The following PLS3 variants were observed in gnomAD, a reference collection of about 807,000 sequenced individuals.
PLS3 encodes the protein plastin 3.
Under a neutral mutation model 46.5 loss-of-function variants are expected in PLS3, and 11 were observed. The observed-to-expected ratio is 0.24, with a 90% CI of 0.15 to 0.39. PLS3 has a LOEUF of 0.39. PLS3 is among the 10% of genes least tolerant of loss of function. The pLI, the probability that PLS3 is intolerant of heterozygous loss-of-function variation, is 1.00. For synonymous variants in PLS3, 167 were observed against 162.2 expected (o/e 1.03, Z -0.22); for missense variants, 308 against 461.8 (o/e 0.67, Z 3.05).
At chrX:115,569,086 A>G (rs1383596365) in intron 1 of PLS3, among the ~76,000 whole-genome samples, 2 of 110,568 alleles carry the variant, frequency 1.8e-5, no homozygotes, top group African/African-American at 3.3e-5. Context: ...CATTCTTTAT[A>G]TAGTGTATTG....
Position 115,649,468 on chromosome X carries a change from G to A in PLS3, c.1800G>A (p.Val600=), listed in dbSNP as rs1556642190. 8.3e-7 allele frequency: 1 copy of A among 1,206,116 alleles called. No individual in the cohort carries two copies. The highest frequency in any genetic ancestry group is 2.2e-5 in the Admixed American group (1 of 45,985). The change falls in exon 16 of 16, where the codon GTG becomes GTA. Residue 600 remains valine, a synonymous_variant. Coordinates refer to ENST00000355899, the MANE Select transcript of PLS3 (RefSeq NM_005032.7). ...TGGCTAGAAGAATCGGAGCCAGAGT[G>A]TATGCTCTCCCTGAAGACCTTGTGG... ...VSMARRIGAR[V]YALPEDLVEV...
chrX:115,642,975 C>G (rs782751355), intron 9 of PLS3, among the ~76,000 whole-genome samples: 1 of 111,799 alleles, frequency 8.9e-6, no homozygotes, highest in South Asian at 3.7e-4. Flanking sequence ...AAAAGTGGAA[C>G]CAGAGAAAGT....
intron 1 of PLS3, among the ~76,000 whole-genome samples, chrX:115,576,383 A>G (rs893639417): frequency 3.1e-4 from 35 of 111,154 alleles, no homozygotes; most frequent in Non-Finnish European, 5.1e-4. Flanking sequence ...AGCCTGGGCA[A>G]CATAGCGAGA....
At chrX:115,614,418 CT>C in intron 2 of PLS3, 3 of 753,621 alleles carry the variant, frequency 4.0e-6, no homozygotes, top group Non-Finnish European at 4.7e-6. Flanking sequence ...TGTACTTGAC[CT>C]CCATCTTTGG....
intron 15 of PLS3, among the ~76,000 whole-genome samples, chrX:115,648,259 TG>T (rs2074971863): frequency 8.9e-6 from 1 of 111,885 alleles, no homozygotes. Context: ...AGTCGGTTGT[TG>T]CTTCAGTGGA....
chrX:115,606,032 AAG>A (rs1213199888), intron 1 of PLS3, among the ~76,000 whole-genome samples: 2 of 106,455 alleles, frequency 1.9e-5, no homozygotes, highest in African/African-American at 3.4e-5. Context: ...GTTGGGGAGA[AAG>A]AGATTTCTAC....
At chrX:115,641,868 G>GCACT (rs2074899931) in intron 9 of PLS3, among the ~76,000 whole-genome samples, 1 of 109,406 alleles carries the variant, frequency 9.1e-6, no homozygotes, top group Admixed American at 9.9e-5. Flanking sequence ...GTTCTGCTTG[G>GCACT]CACTCACCCT....
At chrX:115,635,397 C>A (rs1218580502) in intron 7 of PLS3, among the ~76,000 whole-genome samples, 1 of 110,169 alleles carries the variant, frequency 9.1e-6, no homozygotes, top group Non-Finnish European at 1.9e-5. Flanking sequence ...GCACCATCTT[C>A]TTTTTTGGAG....
chrX:115,571,880 C>G (rs1390558328), intron 1 of PLS3, among the ~76,000 whole-genome samples: 2 of 111,684 alleles, frequency 1.8e-5, no homozygotes, highest in Admixed American at 9.6e-5. Flanking sequence ...ATTATTTTAT[C>G]TAGTGGAAAT....
At chrX:115,562,683 A>T (rs2074147305) in intron 1 of PLS3, 1 of 111,838 alleles carries the variant, frequency 8.9e-6, no homozygotes, top group East Asian at 2.8e-4. Context: ...CTCGAGATGC[A>T]GTTCATGGTG....
chrX:115,610,178 TTAGCAAGAGTGCTTATATTTA>T, intron 1 of PLS3, 44 bp from the exon 2 acceptor site: 1 of 505,290 alleles, frequency 2.0e-6, no homozygotes, highest in Non-Finnish European at 3.3e-6. Flanking sequence ...AGATGAGAAC[TTAGCAAGAGTGCTTATATTTA>T]TCACAATTTT....
chrX:115,578,088 A>C (rs2147425651), intron 1 of PLS3, among the ~76,000 whole-genome samples: 1 of 111,621 alleles, frequency 9.0e-6, no homozygotes, highest in East Asian at 2.8e-4. Context: ...TTAATGGTAT[A>C]GGAAGTGGGA....
At chrX:115,626,864 T>A (rs939371600) in intron 3 of PLS3, among the ~76,000 whole-genome samples, 20 of 108,015 alleles carry the variant, frequency 1.9e-4, no homozygotes, top group South Asian at 8.1e-4. Context: ...CTTTTTTTTT[T>A]TCTGAGACAG....
In PLS3 at chrX:115,606,426, C is replaced by T. The variant is rs1301265664; in HGVS notation, c.-8-3817C>T. On this transcript the variant is annotated intron_variant, in intron 1 of 15. Coordinates refer to ENST00000355899, the MANE Select transcript of PLS3 (RefSeq NM_005032.7). ...GTGCTGGGATTACAGGCATGAGCCA[C>T]TGCACCCAGACCTAATTTTCTTTTG... Among the ~76,000 whole-genome samples the T allele has an allele frequency of 4.5e-5, 5 of 110,588 alleles. No homozygotes were observed. In the Admixed American group the frequency reaches 4.8e-4, roughly 11 times the overall value.
intron 1 of PLS3, among the ~76,000 whole-genome samples, chrX:115,596,698 G>A (rs1275912344): frequency 8.1e-5 from 9 of 110,850 alleles, no homozygotes; most frequent in African/African-American, 6.6e-5. Context: ...CTAGCCAGAT[G>A]TGGTGGCGCA....
At chrX:115,620,725 T>G (rs1241733999) in intron 2 of PLS3, among the ~76,000 whole-genome samples, 1 of 91,476 alleles carries the variant, frequency 1.1e-5, no homozygotes, top group African/African-American at 4.1e-5. Context: ...TTTTTTTTTT[T>G]TTTTTGAGAT....
At chrX:115,571,275 T>C (rs2074214206) in intron 1 of PLS3, among the ~76,000 whole-genome samples, 1 of 111,453 alleles carries the variant, frequency 9.0e-6, no homozygotes, top group Non-Finnish European at 1.9e-5. Context: ...CCCAACACTT[T>C]GGGAGGCCAA....
chrX:115,648,899 T>G (rs2074977899), intron 15 of PLS3, among the ~76,000 whole-genome samples: 1 of 111,665 alleles, frequency 9.0e-6, no homozygotes, highest in Non-Finnish European at 1.9e-5. Context: ...TACCTGGACA[T>G]CTCAGTTCTT....
intron 3 of PLS3, among the ~76,000 whole-genome samples, chrX:115,623,022 C>T (rs917307895): frequency 9.0e-6 from 1 of 111,137 alleles, no homozygotes; most frequent in Non-Finnish European, 1.9e-5. Context: ...TTTCACCCCC[C>T]CACCCCACTC....
Sources: allele counts gnomAD v4.1 joint callset (sites outside exome capture counted in the v4.1 genomes callset), GRCh38; gene constraint gnomAD v4.1.1; transcripts MANE v1.5; gene names NCBI Gene and HGNC (gene_info 2026-07-23, HGNC 2026-07-21).